The following SLC38A9 variants were observed in gnomAD, a reference collection of about 807,000 sequenced individuals.
The protein encoded by SLC38A9 is neutral amino acid transporter 9.
SLC38A9 carries 48 observed loss-of-function variants against 62.3 expected under a neutral mutation model. The ratio of observed to expected loss-of-function variants is 0.77; its 90% confidence interval spans 0.61 to 0.98. The LOEUF (loss-of-function observed/expected upper bound fraction) is 0.98, where lower values mean the gene tolerates loss of function less well. SLC38A9 is among the 50% of genes least tolerant of loss of function. SLC38A9 has a pLI of 0.00. For missense variants in SLC38A9, 541 were observed against 679.8 expected, an observed-to-expected ratio of 0.80 and a Z score of 2.27; for synonymous variants, 204 against 227.7, an observed-to-expected ratio of 0.90 and a Z score of 0.94.
Position 55,651,174 on chromosome 5 carries a change from G to A in SLC38A9, c.952+1355C>T, listed in dbSNP as rs1005632290. On this transcript the variant is annotated intron_variant, in intron 10 of 15. Coordinates refer to ENST00000396865, the MANE Select transcript of SLC38A9 (RefSeq NM_173514.4). ...ATCGTATGGTTTATGTGGAGTTATC[G>A]ATTCCTTATGAATGATATCCTTGTC... 1.0e-4 allele frequency among the ~76,000 whole-genome samples: 15 copies of A among 150,062 alleles called. 1 individual carries two copies. The highest frequency in any genetic ancestry group is 1.6e-4 in the Non-Finnish European group (11 of 67,678).
chr5:55,701,545 C>A (rs986445828), intron 2 of SLC38A9, among the ~76,000 whole-genome samples: 2 of 152,162 alleles, frequency 1.3e-5, no homozygotes, highest in African/African-American at 4.8e-5. Flanking sequence ...ATTACCACAA[C>A]AGCATTCTAA....
intron 8 of SLC38A9, among the ~76,000 whole-genome samples, chr5:55,661,512 A>G (rs1203506869): frequency 6.6e-6 from 1 of 151,840 alleles, no homozygotes; most frequent in East Asian, 1.9e-4. Flanking sequence ...TCTCCACATC[A>G]ATAAATCCAG....
At chr5:55,631,961 A>T (rs980284898) in intron 14 of SLC38A9, among the ~76,000 whole-genome samples, 4 of 152,166 alleles carry the variant, frequency 2.6e-5, no homozygotes, top group Non-Finnish European at 4.4e-5. Flanking sequence ...TTGAAAAAAA[A>T]AAAGAAATTT....
In SLC38A9 at chr5:55,672,525, A is replaced by G. The variant is rs530993666; in HGVS notation, c.246+38T>C. The G allele has an allele frequency of 1.0e-5, 16 of 1,606,166 alleles. No homozygotes were observed. The East Asian group carries it at 3.6e-4, about 36-fold the overall frequency. On this transcript the variant is annotated intron_variant, in intron 4 of 15. Transcript: ENST00000396865. ...CTTATATTGTTCACTGTTCATTTCA[A>G]CTGAATTTTAGACTATTAGTAATGT...
rs191509819 is a variant in SLC38A9, at chr5:55,648,208, G to A, written c.1060+999C>T. On this transcript the variant is annotated intron_variant, in intron 11 of 15. Transcript: ENST00000396865. ...GAGTTGAGACTGTGCCACTGCACTC[G>A]AGCCTGGGTGACACAGTGAGACTCT... Among the ~76,000 whole-genome samples, 13 of 152,252 alleles carry A rather than the reference G, an allele frequency of 8.5e-5. No individual in the cohort carries two copies. In the East Asian group the frequency reaches 1.9e-3, roughly 23 times the overall value.
chr5:55,644,208 G>A (rs1445070384), intron 12 of SLC38A9, among the ~76,000 whole-genome samples: 1 of 152,032 alleles, frequency 6.6e-6, no homozygotes, highest in African/African-American at 2.4e-5. Context: ...TTATCCACCT[G>A]CCTCAGCCTC....
At chr5:55,630,262 T>C (rs1251405803) in intron 14 of SLC38A9, among the ~76,000 whole-genome samples, 1 of 152,212 alleles carries the variant, frequency 6.6e-6, no homozygotes, top group Non-Finnish European at 1.5e-5. Context: ...AATTGTCTGC[T>C]AGTAAAACAA....
At chr5:55,659,846 A>G (rs1490409140) in intron 8 of SLC38A9, among the ~76,000 whole-genome samples, 1 of 151,718 alleles carries the variant, frequency 6.6e-6, no homozygotes, top group Non-Finnish European at 1.5e-5. Context: ...GCTCACTGCA[A>G]GCTCCGCCCC....
chr5:55,670,003 C>T (rs1349330226), intron 4 of SLC38A9, 124 bp from the exon 5 acceptor site: 14 of 865,886 alleles, frequency 1.6e-5, no homozygotes, highest in Admixed American at 9.3e-5. Context: ...CTCGCCCTGT[C>T]GCCCAGGCTG....
intron 3 of SLC38A9, among the ~76,000 whole-genome samples, chr5:55,681,847 G>A (rs1278393584): frequency 1.3e-5 from 2 of 152,080 alleles, no homozygotes; most frequent in Admixed American, 1.3e-4. Flanking sequence ...TAAATGTCCT[G>A]TTTTTGTAAA....
At position 55,648,223 on chromosome 5, in the gene SLC38A9, A is replaced by G. The variant is rs146936875; in HGVS notation, c.1060+984T>C. 1.3e-3 allele frequency among the ~76,000 whole-genome samples: 199 copies of G among 152,344 alleles called. No homozygotes were observed. The Middle Eastern group carries it at 0.014, about 10-fold the overall frequency. ...CACTGCACTCGAGCCTGGGTGACAC[A>G]GTGAGACTCTGTCTCAAAAGAAAAA... On this transcript the variant is annotated intron_variant, in intron 11 of 15. Transcript: ENST00000396865.
At chr5:55,678,138 G>GTTTTTGTT (rs1554063006) in intron 3 of SLC38A9, among the ~76,000 whole-genome samples, 1 of 129,442 alleles carries the variant, frequency 7.7e-6, no homozygotes, top group Non-Finnish European at 1.6e-5. Context: ...AAGGTTACTG[G>GTTTTTGTT]TTTTTTTTTC....
At chr5:55,671,336 T>C (rs1411078101) in intron 4 of SLC38A9, among the ~76,000 whole-genome samples, 1 of 151,886 alleles carries the variant, frequency 6.6e-6, no homozygotes, top group African/African-American at 2.4e-5. Flanking sequence ...TTATAAATTT[T>C]ATAATTTATA....
intron 2 of SLC38A9, chr5:55,702,881 T>G (rs1756843320): frequency 6.6e-6 from 1 of 152,168 alleles, no homozygotes; most frequent in South Asian, 2.1e-4. Context: ...AAAGCTCTCA[T>G]TAGCTTAGTC....
At chr5:55,674,961 C>T (rs781423879) in intron 3 of SLC38A9, among the ~76,000 whole-genome samples, 16 of 152,150 alleles carry the variant, frequency 1.1e-4, no homozygotes, top group Admixed American at 8.5e-4. Flanking sequence ...ATAGTGCATT[C>T]TCTTTTTGCT....
At chr5:55,660,425 T>C (rs187566540) in intron 8 of SLC38A9, among the ~76,000 whole-genome samples, 1 of 152,060 alleles carries the variant, frequency 6.6e-6, no homozygotes, top group Non-Finnish European at 1.5e-5. Flanking sequence ...CAAAAAAACA[T>C]TCAAAATGTA....
intron 8 of SLC38A9, among the ~76,000 whole-genome samples, chr5:55,663,457 C>G (rs950363429): frequency 1.3e-5 from 2 of 151,838 alleles, no homozygotes; most frequent in African/African-American, 4.8e-5. Context: ...TGCTTGGGGC[C>G]AGGTGCGGTG....
intron 3 of SLC38A9, among the ~76,000 whole-genome samples, chr5:55,675,542 A>C (rs1260642235): frequency 6.6e-6 from 1 of 152,210 alleles, no homozygotes; most frequent in East Asian, 1.9e-4. Context: ...ATTCAGAATA[A>C]GACTTTTGAA....
intron 2 of SLC38A9, among the ~76,000 whole-genome samples, chr5:55,705,455 AGAAAGAAAG>A (rs1367798394): frequency 4.1e-4 from 62 of 150,488 alleles, no homozygotes; most frequent in Non-Finnish European, 2.2e-4. Context: ...AAAAAAAGAA[AGAAAGAAAG>A]AAAAAGAAAG....
Sources: gnomAD v4.1 joint callset for allele counts (sites outside exome capture counted in the v4.1 genomes callset) on GRCh38, gnomAD v4.1.1 for gene constraint, MANE v1.5 for transcripts, NCBI Gene and HGNC (gene_info 2026-07-23, HGNC 2026-07-21) for gene names.